Variants in LMOD1 observed in about 807,000 individuals in gnomAD.
LMOD1 encodes the protein leiomodin-1.
Under a neutral mutation model 36.5 loss-of-function variants are expected in LMOD1, and 8 were observed. The observed-to-expected ratio is 0.22, with a 90% confidence interval of 0.13 to 0.40. LMOD1 has a LOEUF of 0.40. Among genes scored for constraint, LMOD1 ranks in the 10% least tolerant of loss-of-function variants. The pLI is 1.00. For synonymous variants in LMOD1, 284 were observed against 288.7 expected (o/e 0.98, Z 0.17); for missense variants, 630 against 751.1 (o/e 0.84, Z 1.88).
intron 1 of LMOD1, among the ~76,000 whole-genome samples, chr1:201,917,674 G>A (rs947183927): frequency 6.6e-6 from 1 of 152,210 alleles, no homozygotes; most frequent in Admixed American, 6.5e-5. Context: ...GCTCTCTGAA[G>A]TGCCTGGCTA....
chr1:201,920,216 C>T (rs1251480268), intron 1 of LMOD1, among the ~76,000 whole-genome samples: 6 of 151,780 alleles, frequency 4.0e-5, no homozygotes, highest in Non-Finnish European at 8.8e-5. Flanking sequence ...CCCACCACCA[C>T]GCCTGGTTAA....
intron 1 of LMOD1, among the ~76,000 whole-genome samples, chr1:201,929,127 G>A (rs1470376282): frequency 1.3e-5 from 2 of 151,276 alleles, no homozygotes; most frequent in Non-Finnish European, 2.9e-5. Context: ...TTTAGAGACG[G>A]AGTCTGGCTC....
At chr1:201,920,014 A>G (rs1681674510) in intron 1 of LMOD1, among the ~76,000 whole-genome samples, 1 of 145,370 alleles carries the variant, frequency 6.9e-6, no homozygotes, top group Admixed American at 6.9e-5. Context: ...ATTGGCTTCA[A>G]TGCCATCTCC....
chr1:201,945,734 G>T (rs1682201053), intron 1 of LMOD1, among the ~76,000 whole-genome samples: 2 of 152,136 alleles, frequency 1.3e-5, no homozygotes, highest in South Asian at 4.1e-4. Flanking sequence ...CCTCACAATA[G>T]GATGGAATGA....
intron 1 of LMOD1, among the ~76,000 whole-genome samples, chr1:201,901,564 G>GTATA (rs1275880446): frequency 5.4e-4 from 21 of 39,048 alleles, no homozygotes; most frequent in Non-Finnish European, 6.0e-4. Context: ...ATATATATAT[G>GTATA]TATATATATA....
chr1:201,900,827 G>T, intron 1 of LMOD1, 76 bp from the exon 2 acceptor site: 1 of 1,333,534 alleles, frequency 7.5e-7, no homozygotes, highest in East Asian at 2.4e-5. Flanking sequence ...GGATGTGTGG[G>T]GGAGCGCTTA....
intron 1 of LMOD1, among the ~76,000 whole-genome samples, chr1:201,929,648 G>T (rs755184196): frequency 1.3e-5 from 2 of 152,186 alleles, no homozygotes; most frequent in Non-Finnish European, 2.9e-5. Context: ...TCTCAGAAGG[G>T]TATAGATGAA....
Position 201,899,244 on chromosome 1 carries a change from A to T in LMOD1, c.1769T>A (p.Leu590His), listed in dbSNP as rs1681246206. 2 of 1,586,594 alleles carry T rather than the reference A, an allele frequency of 1.3e-6. No individual in the cohort carries two copies. The highest frequency in any genetic ancestry group is 1.7e-6 in the Non-Finnish European group (2 of 1,163,890). ...ATGCCCACAACTACTTAACTTCTTG[A>T]GCTGCTTGAGGTTGCTGGAGCGGAT... Reference protein sequence around the residue: ...AAIRSSNLKQLKKVEVPKLLQ With the variant: ...AAIRSSNLKQHKKVEVPKLLQ Residue 590 changes from leucine to histidine, a missense_variant, in exon 2 of 3, where the codon CTC (leucine) becomes CAC (histidine). Around this residue, in one of 3 missense-constraint regions of LMOD1, gnomAD observed 144 missense variants for 169.8 expected, o/e 0.85. Transcript: ENST00000367288. This position sits in a 1 kb window ranked among gnomAD's most constrained non-coding sequence, Gnocchi z 6.3.
In LMOD1 at chr1:201,931,477, G is replaced by T. The variant is rs1322230688; in HGVS notation, c.261+14603C>A. Among the ~76,000 whole-genome samples the T allele has an allele frequency of 1.1e-4, 17 of 149,236 alleles. 1 individual carries two copies. In the East Asian group the frequency reaches 1.2e-3, roughly 11 times the overall value. On this transcript the variant is annotated intron_variant, in intron 1 of 2. Transcript: ENST00000367288. ...TTGACCCCAGGAAGCAGAGGAGGTT[G>T]CAGTGAGCTGAGATGGTGCCACTGC...
At position 201,904,874 on chromosome 1, in the gene LMOD1, G is replaced by A. The variant is rs1036846001; in HGVS notation, c.262-4123C>T. Among the ~76,000 whole-genome samples, 87 of 152,164 alleles carry A rather than the reference G, an allele frequency of 5.7e-4. 1 individual carries two copies. Among genetic ancestry groups the A allele is most frequent in the African/African-American group, 2.1e-3 (85 of 41,430 alleles). On this transcript the variant is annotated intron_variant, in intron 1 of 2. Transcript: ENST00000367288. ...GGATTTCTGTTGAGCTGAGCTCCTCGGAGCCGGCACATAGCAGAGCTGCTT... is the reference window on the plus strand; with the variant it reads ...GGATTTCTGTTGAGCTGAGCTCCTCAGAGCCGGCACATAGCAGAGCTGCTT...
intron 1 of LMOD1, among the ~76,000 whole-genome samples, chr1:201,915,749 C>T (rs562388935): frequency 8.5e-5 from 13 of 152,138 alleles, no homozygotes; most frequent in Non-Finnish European, 1.6e-4. Context: ...ATCAATCCCT[C>T]TCCTCCATCC....
At chr1:201,907,464 C>A (rs1170000038) in intron 1 of LMOD1, among the ~76,000 whole-genome samples, 2 of 152,188 alleles carry the variant, frequency 1.3e-5, no homozygotes, top group East Asian at 1.9e-4. Context: ...GCCCCTGCCC[C>A]CTTTGCTTAG....
intron 1 of LMOD1, among the ~76,000 whole-genome samples, chr1:201,909,520 C>T (rs1258303833): frequency 6.6e-6 from 1 of 152,192 alleles, no homozygotes; most frequent in South Asian, 2.1e-4. Context: ...CCTGGGATTA[C>T]AGGTGTGAGC....
chr1:201,917,008 C>T (rs1681623794), intron 1 of LMOD1, among the ~76,000 whole-genome samples: 1 of 152,168 alleles, frequency 6.6e-6, no homozygotes, highest in Non-Finnish European at 1.5e-5. Flanking sequence ...TGCGGGAGAC[C>T]AGGCTTTACA....
intron 1 of LMOD1, among the ~76,000 whole-genome samples, chr1:201,922,220 C>T (rs1319180871): frequency 6.6e-6 from 1 of 152,072 alleles, no homozygotes; most frequent in East Asian, 1.9e-4. Context: ...GCCACATGAC[C>T]CAGCAATTGC....
At chr1:201,898,933 G>A (rs946838654) in intron 2 of LMOD1, among the ~76,000 whole-genome samples, 1 of 152,182 alleles carries the variant, frequency 6.6e-6, no homozygotes, top group Admixed American at 6.5e-5. Context: ...ACTCTGTAGA[G>A]GCCATTTCTC....
At chr1:201,940,630 GGCT>G (rs10590797) in intron 1 of LMOD1, among the ~76,000 whole-genome samples, 25,771 of 148,468 alleles carry the variant, frequency 0.17, 2,359 homozygotes, top group Middle Eastern at 0.23. Flanking sequence ...CTGTCAGCCA[GGCT>G]GGAGAGCAGT....
Position 201,899,508 on chromosome 1 carries a change from C to T in LMOD1, c.1505G>A (p.Gly502Glu). The change falls in exon 2 of 3, where the codon GGG becomes GAG. Residue 502 changes from glycine (G) to glutamate (E), a missense_variant. Gly to Glu is a moderately conservative substitution (Grantham distance 98). Coordinates refer to ENST00000367288, the MANE Select transcript of LMOD1 (RefSeq NM_012134.3). The surrounding 1 kb of genome is among the most constrained non-coding windows in gnomAD (Gnocchi z 6.3). ...KKDLLEVPKA[G>E]AVAKGSPKPS... ...TTTTGGGGAGCCCTTAGCCACGGCC[C>T]CGGCCTTGGGTACCTCCAGCAGATC... is the stretch of plus-strand genomic sequence containing the variant. 4 of 1,613,954 alleles carry T rather than the reference C, an allele frequency of 2.5e-6. No individual in the cohort carries two copies. The highest frequency in any genetic ancestry group is 3.4e-6 in the Non-Finnish European group (4 of 1,179,890).
chr1:201,934,646 T>G (rs1185578249), intron 1 of LMOD1, among the ~76,000 whole-genome samples: 1 of 152,224 alleles, frequency 6.6e-6, no homozygotes, highest in South Asian at 2.1e-4. Flanking sequence ...ATCTAGATGC[T>G]CCATCTCCAA....
Sources: allele counts gnomAD v4.1 joint callset (sites outside exome capture counted in the v4.1 genomes callset), GRCh38; gene constraint gnomAD v4.1.1; regional missense constraint gnomAD v4.1.1; non-coding constraint Gnocchi (gnomAD v3.1); transcripts MANE v1.5; gene names NCBI Gene and HGNC (gene_info 2026-07-23, HGNC 2026-07-21).